The following OPCML variants were observed in gnomAD, a reference collection of about 807,000 sequenced individuals.
The protein encoded by OPCML is opioid-binding protein/cell adhesion molecule.
Under a neutral mutation model 37.8 loss-of-function variants are expected in OPCML, and 13 were observed. The observed-to-expected ratio is 0.34, with a 90% CI of 0.22 to 0.55. The LOEUF (loss-of-function observed/expected upper bound fraction) is 0.55, where lower values mean the gene tolerates loss of function less well. OPCML is among the 20% of genes least tolerant of loss of function. The pLI is 0.91. For missense variants in OPCML, 341 were observed against 435.6 expected (o/e 0.78, Z 1.93); for synonymous variants, 176 against 168.8 (o/e 1.04, Z -0.33).
At chr11:133,405,339 G>A (rs895757292) in intron 1 of OPCML, among the ~76,000 whole-genome samples, 12 of 152,164 alleles carry the variant, frequency 7.9e-5, no homozygotes, top group Admixed American at 4.6e-4. Context: ...TGTGTCTTGC[G>A]GCCACAGATT....
intron 4 of OPCML, among the ~76,000 whole-genome samples, chr11:132,505,885 C>G (rs78475068): frequency 0.068 from 9,899 of 144,780 alleles, 416 homozygotes; most frequent in Middle Eastern, 0.16. Flanking sequence ...TGCCCACTTT[C>G]TGCGAAAAAA....
intron 2 of OPCML, among the ~76,000 whole-genome samples, chr11:132,658,303 C>T (rs1941804045): frequency 6.6e-6 from 1 of 152,234 alleles, no homozygotes; most frequent in African/African-American, 2.4e-5. Context: ...GAGTCCAGCA[C>T]CTGCAGGTGA....
At chr11:133,170,300 C>G (rs181780937) in intron 1 of OPCML, among the ~76,000 whole-genome samples, 2 of 152,164 alleles carry the variant, frequency 1.3e-5, no homozygotes, top group African/African-American at 4.8e-5. Flanking sequence ...CACAGTGAAA[C>G]TCCATCTCTA....
intron 4 of OPCML, among the ~76,000 whole-genome samples, chr11:132,482,015 A>C (rs1219911542): frequency 6.7e-6 from 1 of 149,392 alleles, no homozygotes; most frequent in Non-Finnish European, 1.5e-5. Flanking sequence ...AAGAACTAGA[A>C]AAGCAAGAGC....
rs528501506 is a variant in OPCML, at chr11:133,004,732, G to T, written c.62-61722C>A. ...CTGACTTTAGCTGTCTACTGAGAAG[G>T]TTCACACCGGACGCGTGGATGGACG... On this transcript the variant is annotated intron_variant, in intron 1 of 7. Transcript: ENST00000524381. 51 of 985,404 alleles carry T rather than the reference G, an allele frequency of 5.2e-5. No individual in the cohort carries two copies. In the African/African-American group the frequency reaches 5.8e-4, roughly 11 times the overall value. The allele number at this position is 985,404 out of a possible 1,614,324, so 61.0% of individuals were successfully genotyped here. A position where few individuals can be genotyped will look rare whatever the true frequency, so the allele number is the denominator to read the frequency against.
intron 3 of OPCML, among the ~76,000 whole-genome samples, chr11:132,537,896 T>A (rs1471779729): frequency 6.6e-6 from 1 of 152,116 alleles, no homozygotes; most frequent in African/African-American, 2.4e-5. Context: ...ATGACTTTAA[T>A]CAAAAAGAGA....
chr11:133,051,336 T>C (rs1006477582), intron 1 of OPCML, among the ~76,000 whole-genome samples: 1 of 152,184 alleles, frequency 6.6e-6, no homozygotes, highest in Non-Finnish European at 1.5e-5. Context: ...ACACAGATGA[T>C]CTGCATCTTG....
At chr11:132,700,146 T>C (rs544315908) in intron 2 of OPCML, among the ~76,000 whole-genome samples, 1 of 152,194 alleles carries the variant, frequency 6.6e-6, no homozygotes, top group African/African-American at 2.4e-5. Context: ...CTGTAAACTG[T>C]ATTGTGTACT....
chr11:133,076,122 CTT>C (rs1432811842), intron 1 of OPCML, among the ~76,000 whole-genome samples: 1 of 151,886 alleles, frequency 6.6e-6, no homozygotes, highest in East Asian at 1.9e-4. Flanking sequence ...AATCTGTACA[CTT>C]TTTTGTTTTT....
chr11:132,566,386 T>A (rs1263786795), intron 3 of OPCML, among the ~76,000 whole-genome samples: 1 of 152,224 alleles, frequency 6.6e-6, no homozygotes, highest in Non-Finnish European at 1.5e-5. Context: ...TTGTCAGCTC[T>A]ACTCTTTCAG....
chr11:132,679,631 G>A (rs1437497419), intron 2 of OPCML, among the ~76,000 whole-genome samples: 1 of 152,192 alleles, frequency 6.6e-6, no homozygotes, highest in Admixed American at 6.5e-5. Context: ...AATAGGTATG[G>A]GATTAACCTG....
In OPCML at chr11:132,436,685, T is replaced by C; in HGVS notation, c.738A>G (p.Glu246=). The change falls in exon 6 of 8, where the codon GAA becomes GAG. Residue 246 remains glutamate (E), a synonymous_variant. Coordinates refer to ENST00000524381, the MANE Select transcript of OPCML (RefSeq NM_001012393.5). ...TGGTTTCTTCCTTGAACCACTGGAA[T>C]TCAGCCATGGGGACTGCAGAGGCTT... ...SCEASAVPMA[E]FQWFKEETRL... is the part of the protein sequence containing the mutation. 7.4e-6 allele frequency: 12 copies of C among 1,614,212 alleles called. No homozygotes were observed. The highest frequency in any genetic ancestry group is 1.0e-5 in the Non-Finnish European group (12 of 1,180,040).
chr11:132,715,543 G>GT (rs1944439701), intron 2 of OPCML, among the ~76,000 whole-genome samples: 1 of 152,144 alleles, frequency 6.6e-6, no homozygotes, highest in African/African-American at 2.4e-5. Context: ...TAGTGTAATG[G>GT]TATTGGGAGG....
At chr11:132,433,714 T>C (rs1368943901) in intron 7 of OPCML, among the ~76,000 whole-genome samples, 1 of 152,138 alleles carries the variant, frequency 6.6e-6, no homozygotes, top group Non-Finnish European at 1.5e-5. Context: ...TGATCCAATA[T>C]AGTTACTGTC....
At chr11:133,041,194 G>T (rs1332190538) in intron 1 of OPCML, among the ~76,000 whole-genome samples, 1 of 152,208 alleles carries the variant, frequency 6.6e-6, no homozygotes, top group Non-Finnish European at 1.5e-5. Context: ...GTTTTAATCT[G>T]TGTGATGAGA....
chr11:132,594,750 T>A (rs2096489868), intron 3 of OPCML, among the ~76,000 whole-genome samples: 1 of 152,212 alleles, frequency 6.6e-6, no homozygotes, highest in East Asian at 1.9e-4. Flanking sequence ...TATGAAAATC[T>A]AAGCTGGTCA....
At chr11:133,114,200 G>A (rs1302095156) in intron 1 of OPCML, among the ~76,000 whole-genome samples, 6 of 152,106 alleles carry the variant, frequency 3.9e-5, no homozygotes, top group Admixed American at 3.3e-4. Context: ...GCCTCCCCCT[G>A]AACTGCTCGC....
intron 3 of OPCML, among the ~76,000 whole-genome samples, chr11:132,655,869 T>C (rs901204909): frequency 8.6e-5 from 13 of 151,592 alleles, no homozygotes; most frequent in Admixed American, 6.6e-4. Flanking sequence ...GTCCTTTTTT[T>C]TTTTTTTTTT....
At chr11:132,551,961 C>T (rs1406798724) in intron 3 of OPCML, among the ~76,000 whole-genome samples, 2 of 152,172 alleles carry the variant, frequency 1.3e-5, no homozygotes, top group Non-Finnish European at 2.9e-5. Flanking sequence ...CAACAAATAT[C>T]TTTGTCTGTG....
Sources: gnomAD v4.1 joint callset for allele counts (sites outside exome capture counted in the v4.1 genomes callset) on GRCh38, gnomAD v4.1.1 for gene constraint, MANE v1.5 for transcripts, NCBI Gene and HGNC (gene_info 2026-07-23, HGNC 2026-07-21) for gene names.